The following CPA4 variants were observed in gnomAD, a reference collection of about 807,000 sequenced individuals.
CPA4 encodes the protein carboxypeptidase A4.
In CPA4, 49 loss-of-function variants were observed where a neutral mutation model predicts 54.7. The observed-to-expected ratio is 0.90, with a 90% confidence interval of 0.71 to 1.14. CPA4 has a LOEUF of 1.14. Among genes scored for constraint, CPA4 ranks in the 50% most tolerant of loss-of-function variants. CPA4 has a pLI of 0.00. For missense variants in CPA4, 487 were observed against 525.1 expected (o/e 0.93, Z 0.71); for synonymous variants, 215 against 206.8 (o/e 1.04, Z -0.34).
At chr7:130,318,689 G>A (rs891407993) in intron 10 of CPA4, among the ~76,000 whole-genome samples, 3 of 152,116 alleles carry the variant, frequency 2.0e-5, no homozygotes, top group Non-Finnish European at 2.9e-5. Flanking sequence ...GGGATTACAG[G>A]CGTGAGCCAC....
intron 4 of CPA4, among the ~76,000 whole-genome samples, chr7:130,301,335 A>G (rs981856762): frequency 2.6e-5 from 4 of 152,202 alleles, no homozygotes; most frequent in African/African-American, 7.2e-5. Context: ...TATCATGACT[A>G]CTTATAATGT....
chr7:130,307,135 A>T (rs1282972462), intron 7 of CPA4, among the ~76,000 whole-genome samples: 1 of 152,086 alleles, frequency 6.6e-6, no homozygotes, highest in African/African-American at 2.4e-5. Context: ...AAATCTTTTC[A>T]TCTCTTGCCC....
Position 130,310,837 on chromosome 7 carries a change from G to T in CPA4, c.844G>T (p.Ala282Ser), listed in dbSNP as rs570075096. The change falls in exon 9 of 11, where the codon GCC becomes TCC. Residue 282 changes from alanine to serine, a missense_variant. Ala to Ser is a moderately conservative substitution (Grantham distance 99, BLOSUM62 1). Coordinates refer to ENST00000222482, the MANE Select transcript of CPA4 (RefSeq NM_016352.4). The surrounding 1 kb of genome is among the most constrained non-coding windows in gnomAD (Gnocchi z 4.3). ...PCSEVYHGPH[A>S]NSEVEVKSVV... ...CTCCGAAGTGTACCATGGACCCCAC[G>T]CCAATTCGGAAGTGGAGGTGAAATC... 6.2e-7 allele frequency: 1 copy of T among 1,614,208 alleles called. No individual in the cohort carries two copies. The highest frequency in any genetic ancestry group is 8.5e-7 in the Non-Finnish European group (1 of 1,179,998).
At chr7:130,319,696 T>C (rs1162363802) in intron 10 of CPA4, among the ~76,000 whole-genome samples, 1 of 152,122 alleles carries the variant, frequency 6.6e-6, no homozygotes, top group Non-Finnish European at 1.5e-5. Context: ...GGCGGAGCTG[T>C]ACAGGAACAA....
At chr7:130,303,352 G>T (rs112007696) in intron 4 of CPA4, among the ~76,000 whole-genome samples, 2,675 of 152,252 alleles carry the variant, frequency 0.018, 88 homozygotes, top group African/African-American at 0.061. Flanking sequence ...ATCTCCAAAG[G>T]GGGGCACATG....
At chr7:130,302,794 T>C (rs1793760128) in intron 4 of CPA4, among the ~76,000 whole-genome samples, 1 of 152,128 alleles carries the variant, frequency 6.6e-6, no homozygotes, top group Non-Finnish European at 1.5e-5. Context: ...GTGGCCCAAA[T>C]TGCCCATTCC....
At chr7:130,293,963 C>T (rs1041741869) in intron 1 of CPA4, among the ~76,000 whole-genome samples, 1 of 152,052 alleles carries the variant, frequency 6.6e-6, no homozygotes, top group African/African-American at 2.4e-5. Context: ...GGGGAGAGGA[C>T]ATTTGGGTGG....
Position 130,308,255 on chromosome 7 carries a change from G to A in CPA4, c.703-52G>A, listed in dbSNP as rs572721018. ...TGTCATCTCCACCCTAGCCCTCTTC[G>A]GTGATCTGATCTGCCTCTGGTTGTT... On this transcript the variant is annotated intron_variant, in intron 7 of 10. Transcript: ENST00000222482. The A allele has an allele frequency of 1.9e-4, 281 of 1,498,728 alleles. 1 individual carries two copies. The South Asian group carries it at 3.0e-3, about 16-fold the overall frequency. The allele number at this position is 1,498,728 out of a possible 1,614,324, so 92.8% of individuals were successfully genotyped here.
At chr7:130,317,537 A>G (rs1794008226) in intron 10 of CPA4, among the ~76,000 whole-genome samples, 1 of 152,136 alleles carries the variant, frequency 6.6e-6, no homozygotes, top group Non-Finnish European at 1.5e-5. Flanking sequence ...ATCTCGGCTC[A>G]CTGCAGCCTC....
intron 10 of CPA4, among the ~76,000 whole-genome samples, chr7:130,319,187 C>T (rs1794043705): frequency 6.6e-6 from 1 of 152,200 alleles, no homozygotes; most frequent in African/African-American, 2.4e-5. Flanking sequence ...CTCTAGCAAC[C>T]CTTTCCCCTC....
At chr7:130,298,659 T>G in intron 1 of CPA4, 87 bp from the exon 2 acceptor site, 2 of 802,304 alleles carry the variant, frequency 2.5e-6, no homozygotes, top group Non-Finnish European at 4.4e-6. Context: ...CCTGGTTACG[T>G]CTGGGATAGG....
At chr7:130,315,853 C>T (rs1562932545) in intron 10 of CPA4, among the ~76,000 whole-genome samples, 1 of 152,082 alleles carries the variant, frequency 6.6e-6, no homozygotes, top group Admixed American at 6.6e-5. Context: ...TGGGAAATGG[C>T]TTTTAACTGT....
intron 10 of CPA4, among the ~76,000 whole-genome samples, chr7:130,315,812 AG>A (rs1197326142): frequency 6.6e-6 from 1 of 152,200 alleles, no homozygotes; most frequent in Non-Finnish European, 1.5e-5. Context: ...TGTTGGAATA[AG>A]GTGACGCTTT....
chr7:130,299,487 T>G (rs1187225515), intron 3 of CPA4, 83 bp downstream of exon 3: 7 of 1,290,200 alleles, frequency 5.4e-6, no homozygotes, highest in African/African-American at 3.0e-5. Flanking sequence ...ATTTGCAAGT[T>G]CTGGTTTTAT....
At chr7:130,305,591 A>G (rs181344186) in intron 5 of CPA4, among the ~76,000 whole-genome samples, 111 of 152,194 alleles carry the variant, frequency 7.3e-4, no homozygotes, top group Non-Finnish European at 1.2e-3. Flanking sequence ...ATTTGCTCCT[A>G]ATGCTGGAGA....
chr7:130,304,452 C>T (rs1406936086), intron 4 of CPA4, 26 bp from the exon 5 acceptor site: 5 of 1,370,168 alleles, frequency 3.6e-6, no homozygotes, highest in African/African-American at 1.4e-5. Context: ...TTAAAATGTC[C>T]CTGGATTCAC....
rs1356653246 is a variant in CPA4, at chr7:130,304,509, A to T, written c.416A>T (p.Asp139Val). ...CACGAGATGGACAACATTGCCGCAG[A>T]CTTTCCTGACCTGGCGAGGAGGGTG... ...IYHEMDNIAA[D>V]FPDLARRVKI... is the part of the protein sequence containing the mutation. Residue 139 changes from aspartate (D) to valine (V), a missense_variant, in exon 5 of 11, where the codon GAC becomes GTC. Physicochemically the swap from Asp to Val is radical, Grantham distance 152. Coordinates refer to ENST00000222482, the MANE Select transcript of CPA4 (RefSeq NM_016352.4). 1.2e-6 allele frequency: 2 copies of T among 1,613,306 alleles called. No homozygotes were observed. The highest frequency in any genetic ancestry group is 1.7e-5 in the Admixed American group (1 of 60,006).
At chr7:130,308,178 A>G in intron 7 of CPA4, 129 bp from the exon 8 acceptor site, 2 of 749,776 alleles carry the variant, frequency 2.7e-6, no homozygotes, top group Admixed American at 2.0e-5. Context: ...AATGAGGACT[A>G]GGAGCCCCAG....
chr7:130,301,297 G>A lies in CPA4; in HGVS notation c.384+383G>A, dbSNP rs1026145500. The stretch of plus-strand genomic sequence containing the variant: ...AGGCAAGTAGACAAATGATGATTTC[G>A]AAGGTTAACCAAATATTTCCACTCA... On this transcript the variant is annotated intron_variant, in intron 4 of 10. Coordinates refer to ENST00000222482, the MANE Select transcript of CPA4 (RefSeq NM_016352.4). Among the ~76,000 whole-genome samples the A allele has an allele frequency of 9.2e-5, 14 of 152,092 alleles. 1 individual carries two copies. Among genetic ancestry groups the A allele is most frequent in the African/African-American group, 1.4e-4 (6 of 41,394 alleles).
Sources: gnomAD v4.1 joint callset for allele counts (sites outside exome capture counted in the v4.1 genomes callset) on GRCh38, gnomAD v4.1.1 for gene constraint, Gnocchi (gnomAD v3.1) non-coding constraint, MANE v1.5 for transcripts, NCBI Gene and HGNC (gene_info 2026-07-23, HGNC 2026-07-21) for gene names.